Variants in TOPAZ1 observed in about 807,000 individuals in gnomAD.
The protein encoded by TOPAZ1 is testis and ovary specific TOPAZ 1.
A neutral mutation model predicts 172.2 loss-of-function variants in TOPAZ1; 66 were observed. The observed-to-expected ratio is 0.38, with a 90% CI of 0.31 to 0.47. The LOEUF is 0.47. Ranked by LOEUF, TOPAZ1 falls within the 20% of genes least tolerant of loss-of-function variation. The pLI is 0.99. For missense variants in TOPAZ1, 1,822 were observed against 1,972.4 expected (o/e 0.92, Z 1.44); for synonymous variants, 681 against 683.9 (o/e 1.00, Z 0.07).
At chr3:44,272,080 CT>C (rs1398131946) in intron 8 of TOPAZ1, among the ~76,000 whole-genome samples, 1 of 152,042 alleles carries the variant, frequency 6.6e-6, no homozygotes. Context: ...AAACTTCTTT[CT>C]TTTTATAAGG....
intron 3 of TOPAZ1, among the ~76,000 whole-genome samples, chr3:44,255,712 C>T (rs1699694418): frequency 3.1e-5 from 3 of 96,328 alleles, no homozygotes; most frequent in South Asian, 3.5e-4. Context: ...CACACACACA[C>T]ACACACACAT....
chr3:44,328,862 T>C (rs1040582437), intron 19 of TOPAZ1, among the ~76,000 whole-genome samples: 2 of 152,222 alleles, frequency 1.3e-5, no homozygotes, highest in Non-Finnish European at 1.5e-5. Context: ...GCCTAGTTTC[T>C]ATATTTTATA....
chr3:44,312,138 CCAG>C (rs1247200164), intron 16 of TOPAZ1, among the ~76,000 whole-genome samples: 1 of 151,198 alleles, frequency 6.6e-6, no homozygotes. Flanking sequence ...TAAGGGAATA[CCAG>C]TTGAACTGTG....
At chr3:44,327,861 C>T (rs557361616) in intron 18 of TOPAZ1, among the ~76,000 whole-genome samples, 1 of 152,128 alleles carries the variant, frequency 6.6e-6, no homozygotes, top group Non-Finnish European at 1.5e-5. Context: ...TCTCCTGACT[C>T]AGCCTCCCGA....
At chr3:44,274,113 CT>C (rs377497030) in intron 8 of TOPAZ1, among the ~76,000 whole-genome samples, 1,837 of 141,462 alleles carry the variant, frequency 0.013, 21 homozygotes, top group African/African-American at 0.04. Context: ...AACCCTGTCT[CT>C]TTTTTTTTTT....
intron 12 of TOPAZ1, among the ~76,000 whole-genome samples, chr3:44,303,689 A>G (rs554683701): frequency 1.3e-5 from 2 of 152,220 alleles, no homozygotes; most frequent in Admixed American, 1.3e-4. Context: ...GGAGCAGTAG[A>G]GATCATGTGC....
At chr3:44,292,819 T>C (rs1284011713) in intron 12 of TOPAZ1, among the ~76,000 whole-genome samples, 1 of 152,236 alleles carries the variant, frequency 6.6e-6, no homozygotes, top group Non-Finnish European at 1.5e-5. Context: ...CTTCTGGTTA[T>C]TTGAAATATG....
Position 44,243,319 on chromosome 3 carries a change from G to C in TOPAZ1, c.813G>C (p.Lys271Asn). Residue 271 changes from lysine to asparagine, a missense_variant, in exon 2 of 20, where the codon AAG becomes AAC. Lys to Asn is a moderately conservative substitution (Grantham distance 94). Coordinates refer to ENST00000309765, the MANE Select transcript of TOPAZ1 (RefSeq NM_001145030.2). ...KKENLRSLAE[K>N]SDTNSIPQLL... ...AAAACCTTAGGAGTCTTGCAGAGAA[G>C]AGTGACACAAATAGTATTCCTCAGC... The C allele has an allele frequency of 6.4e-7, 1 of 1,551,482 alleles. No homozygotes were observed. Among genetic ancestry groups the C allele is most frequent in the Non-Finnish European group, 8.7e-7 (1 of 1,146,928 alleles).
chr3:44,255,720 C>CACACACAT (rs1326634401), intron 3 of TOPAZ1, among the ~76,000 whole-genome samples: 1 of 13,960 alleles, frequency 7.2e-5, no homozygotes, highest in Non-Finnish European at 1.7e-4. Flanking sequence ...CACACACACA[C>CACACACAT]ATATATATAT....
intron 17 of TOPAZ1, among the ~76,000 whole-genome samples, chr3:44,322,758 C>CA (rs989031289): frequency 7.2e-5 from 11 of 151,758 alleles, no homozygotes; most frequent in African/African-American, 1.9e-4. Context: ...CCTGCCTCTG[C>CA]AAAAAAACAT....
rs563161009 is a variant in TOPAZ1, at chr3:44,309,428, T to TCTCC, written c.4141-392_4141-389dup. Reference sequence around the variant, plus strand: ...ACAAATTATTTTCATTTTTACTTTCTCTCCCTCCTGGATCCCAGATTGACC... The same window carrying TCTCC: ...ACAAATTATTTTCATTTTTACTTTCTCTCCCTCCCTCCTGGATCCCAGATTGACC... On this transcript the variant is annotated intron_variant, in intron 15 of 19. Transcript: ENST00000309765. Among the ~76,000 whole-genome samples, 131 of 152,278 alleles carry TCTCC rather than the reference T, an allele frequency of 8.6e-4. 5 individuals are homozygous for TCTCC. The South Asian group carries it at 0.027, about 31-fold the overall frequency.
Position 44,244,973 on chromosome 3 carries a change from T to C in TOPAZ1, c.2467T>C (p.Cys823Arg). 2 of 1,551,742 alleles carry C rather than the reference T, an allele frequency of 1.3e-6. No individual in the cohort carries two copies. ...TGTAGAGAAAAGTCCTTCCTTCTGCTGTAATGAACAAGAAACATTCCGACC... is the reference window on the plus strand; with the variant it reads ...TGTAGAGAAAAGTCCTTCCTTCTGCCGTAATGAACAAGAAACATTCCGACC... ...GYVEKSPSFC[C>R]NEQETFRPVS... The change falls in exon 2 of 20, where the codon TGT becomes CGT. Residue 823 changes from cysteine (C) to arginine (R), a missense_variant. By Grantham distance (180) the Cys-to-Arg change is radical. Coordinates refer to ENST00000309765, the MANE Select transcript of TOPAZ1 (RefSeq NM_001145030.2).
intron 18 of TOPAZ1, among the ~76,000 whole-genome samples, chr3:44,326,965 A>G (rs1700607334): frequency 6.6e-6 from 1 of 152,218 alleles, no homozygotes; most frequent in African/African-American, 2.4e-5. Flanking sequence ...TACCTACCAA[A>G]AACTAGTAAA....
intron 8 of TOPAZ1, among the ~76,000 whole-genome samples, chr3:44,281,180 G>A (rs1700019639): frequency 6.6e-6 from 1 of 152,188 alleles, no homozygotes; most frequent in African/African-American, 2.4e-5. Context: ...TTCTTTCTCT[G>A]TATAAGACAA....
Position 44,275,045 on chromosome 3 carries a change from TTTA to T in TOPAZ1, c.3372+4243_3372+4245del, listed in dbSNP as rs1419830649. 9.2e-5 allele frequency among the ~76,000 whole-genome samples: 14 copies of T among 152,050 alleles called. 1 individual carries two copies. The Middle Eastern group carries it at 0.01, about 111-fold the overall frequency. The stretch of plus-strand genomic sequence containing the variant: ...TCCCATACCCCATAAATACATAAAA[TTTA>T]TTATTATACATCCATACAGTTTACA... On this transcript the variant is annotated intron_variant, in intron 8 of 19. Transcript: ENST00000309765.
At chr3:44,257,412 T>TGTGTG (rs1321624131) in intron 4 of TOPAZ1, among the ~76,000 whole-genome samples, 106 of 122,806 alleles carry the variant, frequency 8.6e-4, no homozygotes, top group Non-Finnish European at 1.3e-3. Context: ...TGTGTGTCTA[T>TGTGTG]TTTATATATT....
intron 3 of TOPAZ1, among the ~76,000 whole-genome samples, chr3:44,255,253 A>G (rs767364224): frequency 3.3e-5 from 5 of 152,232 alleles, no homozygotes; most frequent in Non-Finnish European, 7.3e-5. Flanking sequence ...GTTAGGCTTT[A>G]TCTACAAAAG....
chr3:44,283,738 C>A (rs1362687371), intron 9 of TOPAZ1, among the ~76,000 whole-genome samples: 1 of 152,160 alleles, frequency 6.6e-6, no homozygotes, highest in African/African-American at 2.4e-5. Flanking sequence ...TGTACACACA[C>A]GTGTGCACAT....
chr3:44,265,758 T>C (rs1173846351), intron 5 of TOPAZ1, among the ~76,000 whole-genome samples: 1 of 152,178 alleles, frequency 6.6e-6, no homozygotes, highest in Non-Finnish European at 1.5e-5. Context: ...TGATGTTTCA[T>C]TTATAGGGCA....
Sources: allele counts gnomAD v4.1 joint callset (sites outside exome capture counted in the v4.1 genomes callset), GRCh38; gene constraint gnomAD v4.1.1; transcripts MANE v1.5; gene names NCBI Gene and HGNC (gene_info 2026-07-23, HGNC 2026-07-21).